Variants in INSM2 observed in about 807,000 individuals in gnomAD.
INSM2 encodes the protein INSM transcriptional repressor 2.
Under a neutral mutation model 30.5 loss-of-function variants are expected in INSM2, and 12 were observed. The ratio of observed to expected loss-of-function variants is 0.39; its 90% CI spans 0.25 to 0.64. The LOEUF (loss-of-function observed/expected upper bound fraction) is 0.64. Among genes scored for constraint, INSM2 ranks in the 30% least tolerant of loss-of-function variants. The pLI, the probability that INSM2 is intolerant of heterozygous loss-of-function variation, is 0.47. For synonymous variants in INSM2, 418 were observed against 383.7 expected (o/e 1.09, Z -1.05); for missense variants, 773 against 819.2 (o/e 0.94, Z 0.69).
Position 35,534,872 on chromosome 14 carries a change from G to T in INSM2, c.620G>T (p.Cys207Phe). ...CGCCGCGGCAAGGCACCCACGGACT[G>T]CGCGTCTGGACCCGCGGCCGCGGGA... ...GERRGKAPTD[C>F]ASGPAAAGIK... Residue 207 changes from cysteine to phenylalanine, a missense_variant, in exon 1 of 1, where the codon TGC (cysteine) becomes TTC (phenylalanine). By Grantham distance (205) the Cys-to-Phe change is radical. Transcript: ENST00000307169. 6.3e-7 allele frequency: 1 copy of T among 1,580,612 alleles called. No homozygotes were observed. The highest frequency in any genetic ancestry group is 8.6e-7 in the Non-Finnish European group (1 of 1,168,214).
rs1158922239 is a variant in INSM2 at position 35,535,527 on chromosome 14, T to A, written c.1275T>A (p.Ile425=). 1 of 1,613,238 alleles carries A rather than the reference T, an allele frequency of 6.2e-7. No homozygotes were observed. Among genetic ancestry groups the A allele is most frequent in the Non-Finnish European group, 8.5e-7 (1 of 1,179,954 alleles). ...CCAGTGGTGGCAGGGGATCCGAGAT[T>A]TTCGTGTGCCCATATTGCCACAAAA... ...GSTSGGRGSE[I]FVCPYCHKKF... Residue 425 remains isoleucine, a synonymous_variant, in exon 1 of 1, where the codon ATT becomes ATA. Coordinates refer to ENST00000307169, the MANE Select transcript of INSM2 (RefSeq NM_032594.4).
Position 35,534,526 on chromosome 14 carries a change from G to A in INSM2, c.274G>A (p.Ala92Thr), listed in dbSNP as rs1248228841. 1 of 1,400,652 alleles carries A rather than the reference G, an allele frequency of 7.1e-7. No individual in the cohort carries two copies. The highest frequency in any genetic ancestry group is 1.6e-5 in the South Asian group (1 of 63,092). 86.8% of individuals were successfully genotyped at this position (1,400,652 alleles called of 1,614,324 possible). ...CCCGGGGACGGGCGGGCGGGAAGGCGCGGAGTGGCGGGCGGGTGGCAGGGA... is the reference window on the plus strand; with the variant it reads ...CCCGGGGACGGGCGGGCGGGAAGGCACGGAGTGGCGGGCGGGTGGCAGGGA... ...VSPGTGGREG[A>T]EWRAGGREGP... Residue 92 changes from alanine (A) to threonine (T), a missense_variant, in exon 1 of 1, where the codon GCG becomes ACG. Ala to Thr is a moderately conservative substitution (Grantham distance 58). Coordinates refer to ENST00000307169, the MANE Select transcript of INSM2 (RefSeq NM_032594.4).
Position 35,535,468 on chromosome 14 carries a change from G to T in INSM2, c.1216G>T (p.Val406Leu), listed in dbSNP as rs763873112. The T allele has an allele frequency of 5.6e-6, 9 of 1,613,058 alleles. No homozygotes were observed. The Admixed American group carries it at 6.7e-5, about 12-fold the overall frequency. The change falls in exon 1 of 1, where the codon GTG (valine) becomes TTG (leucine). Residue 406 changes from valine (V) to leucine (L), a missense_variant. Physicochemically the swap from Val to Leu is conservative, Grantham distance 32. Coordinates refer to ENST00000307169, the MANE Select transcript of INSM2 (RefSeq NM_032594.4). Reference protein sequence around the residue: ...PLPQGPYTEGVLGRRVPVPGS... With the variant: ...PLPQGPYTEGLLGRRVPVPGS... ...GCCTCAGGGCCCCTACACGGAGGGG[G>T]TGTTGGGGCGCCGGGTACCTGTGCC... is the stretch of plus-strand genomic sequence containing the variant.
rs139448495 is a variant in INSM2 at position 35,535,340 on chromosome 14, C to T, written c.1088C>T (p.Ala363Val). The T allele has an allele frequency of 1.7e-3, 2,813 of 1,610,056 alleles. 5 individuals are homozygous for T. Among genetic ancestry groups the T allele is most frequent in the Non-Finnish European group, 2.3e-3 (2,653 of 1,178,066 alleles). ...GKENSRIERT[A>V]DQHPQARDSS... ...GAGAACAGCCGAATAGAGCGGACTG[C>T]GGATCAGCACCCGCAGGCCAGGGAC... is the stretch of plus-strand genomic sequence containing the variant. The change falls in exon 1 of 1, where the codon GCG (alanine) becomes GTG (valine). Residue 363 changes from alanine (A) to valine (V), a missense_variant. Physicochemically the swap from Ala to Val is moderately conservative, Grantham distance 64 (BLOSUM62 0). Transcript: ENST00000307169.
Position 35,534,416 on chromosome 14 carries a change from C to A in INSM2, c.164C>A (p.Pro55His). 1 of 1,504,684 alleles carries A rather than the reference C, an allele frequency of 6.6e-7. No individual in the cohort carries two copies. Among genetic ancestry groups the A allele is most frequent in the Admixed American group, 2.3e-5 (1 of 42,598 alleles). 93.2% of individuals were successfully genotyped at this position (1,504,684 alleles called of 1,614,324 possible). A position where few individuals can be genotyped will look rare whatever the true frequency, so the allele number is the denominator to read the frequency against. ...CCCGGCGCGGAGCGGGCGACACCCC[C>A]CACCCGAGAGGAACCAGGAAAGGGG... ...SLPGAERATP[P>H]TREEPGKGLT... is the part of the protein sequence containing the mutation. Residue 55 changes from proline to histidine, a missense_variant, in exon 1 of 1, where the codon CCC (proline) becomes CAC (histidine). Coordinates refer to ENST00000307169, the MANE Select transcript of INSM2 (RefSeq NM_032594.4).
Position 35,534,357 on chromosome 14 carries a change from G to T in INSM2, c.105G>T (p.Pro35=). 1 of 1,573,902 alleles carries T rather than the reference G, an allele frequency of 6.4e-7. No individual in the cohort carries two copies. Among genetic ancestry groups the T allele is most frequent in the Non-Finnish European group, 8.6e-7 (1 of 1,162,810 alleles). Residue 35 remains proline (P), a synonymous_variant, in exon 1 of 1, where the codon CCG becomes CCT. Transcript: ENST00000307169. ...VFPLLGPQGA[P]PFLEEAPSAS... ...CTCTGCTGGGGCCCCAGGGGGCGCC[G>T]CCCTTCTTGGAGGAGGCTCCCAGCG...
Position 35,535,852 on chromosome 14 carries a change from T to A in INSM2, c.1600T>A (p.Phe534Ile), listed in dbSNP as rs2053595528. The change falls in exon 1 of 1, where the codon TTT becomes ATT. Residue 534 changes from phenylalanine to isoleucine, a missense_variant. Phe to Ile is a conservative substitution (Grantham distance 21, BLOSUM62 0). Coordinates refer to ENST00000307169, the MANE Select transcript of INSM2 (RefSeq NM_032594.4). The stretch of plus-strand genomic sequence containing the variant: ...CTCGTGCAAGCACTGCCCGTCCACT[T>A]TTTTTAGCTCTCCAGGGCTGACCCG... ...IFSCKHCPSTFFSSPGLTRHI... is the reference protein window; with the variant it reads ...IFSCKHCPSTIFSSPGLTRHI... The A allele has an allele frequency of 1.9e-6, 3 of 1,614,076 alleles. No homozygotes were observed. The East Asian group carries it at 6.7e-5, about 36-fold the overall frequency.
Position 35,535,022 on chromosome 14 carries a change from G to T in INSM2, c.770G>T (p.Arg257Leu). ...GAPSRGLGGS[R>L]TPLGEFICQL... is the part of the protein sequence containing the mutation. ...CCGTCCCGGGGCTTGGGGGGCAGCC[G>T]CACGCCACTGGGGGAGTTCATCTGC... The change falls in exon 1 of 1, where the codon CGC becomes CTC. Residue 257 changes from arginine (R) to leucine (L), a missense_variant. Coordinates refer to ENST00000307169, the MANE Select transcript of INSM2 (RefSeq NM_032594.4). The T allele has an allele frequency of 6.3e-7, 1 of 1,576,928 alleles. No individual in the cohort carries two copies. Among genetic ancestry groups the T allele is most frequent in the Non-Finnish European group, 8.6e-7 (1 of 1,161,846 alleles).
In INSM2 at chr14:35,534,679, G is replaced by A; in HGVS notation, c.427G>A (p.Ala143Thr). Residue 143 changes from alanine to threonine, a missense_variant, in exon 1 of 1, where the codon GCC becomes ACC. Ala to Thr is a moderately conservative substitution (Grantham distance 58). Transcript: ENST00000307169. ...CGCCGAGTCTTTCCCCGGGGGCGCC[G>A]CCGCCGTGGCCGCTTTCTCCTGCTC... is the stretch of plus-strand genomic sequence containing the variant. Reference protein sequence around the residue: ...VSAESFPGGAAAVAAFSCSVA... With the variant: ...VSAESFPGGATAVAAFSCSVA... 7.1e-7 allele frequency: 1 copy of A among 1,400,296 alleles called. No homozygotes were observed. Among genetic ancestry groups the A allele is most frequent in the Non-Finnish European group, 9.2e-7 (1 of 1,087,844 alleles). 86.7% of individuals were successfully genotyped at this position (1,400,296 alleles called of 1,614,324 possible).
Position 35,534,525 on chromosome 14 carries a change from C to A in INSM2, c.273C>A (p.Gly91=), listed in dbSNP as rs921226936. 1.2e-5 allele frequency: 17 copies of A among 1,400,534 alleles called. 2 individuals are homozygous for A. In the South Asian group the frequency reaches 2.7e-4, roughly 22 times the overall value. 86.8% of individuals were successfully genotyped at this position (1,400,534 alleles called of 1,614,324 possible). ...GCCCGGGGACGGGCGGGCGGGAAGG[C>A]GCGGAGTGGCGGGCGGGTGGCAGGG... ...GVSPGTGGRE[G]AEWRAGGREG... Residue 91 remains glycine, a synonymous_variant, in exon 1 of 1, where the codon GGC becomes GGA. Coordinates refer to ENST00000307169, the MANE Select transcript of INSM2 (RefSeq NM_032594.4).
Position 35,535,657 on chromosome 14 carries a change from G to A in INSM2, c.1405G>A (p.Ala469Thr), listed in dbSNP as rs752756480. ...GFGSERGAPL[A>T]FACPLCGAHF... Reference sequence around the variant, plus strand: ...TGGCTCCGAACGCGGTGCCCCACTTGCCTTCGCTTGCCCATTGTGCGGAGC... The same window carrying A: ...TGGCTCCGAACGCGGTGCCCCACTTACCTTCGCTTGCCCATTGTGCGGAGC... The change falls in exon 1 of 1, where the codon GCC (alanine) becomes ACC (threonine). Residue 469 changes from alanine (A) to threonine (T), a missense_variant. Physicochemically the swap from Ala to Thr is moderately conservative, Grantham distance 58. Transcript: ENST00000307169. 6 of 1,613,062 alleles carry A rather than the reference G, an allele frequency of 3.7e-6. No individual in the cohort carries two copies. Among genetic ancestry groups the A allele is most frequent in the East Asian group, 2.2e-5 (1 of 44,898 alleles).
chr14:35,534,669 C>G lies in INSM2; in HGVS notation c.417C>G (p.Pro139=). The G allele has an allele frequency of 7.1e-7, 1 of 1,401,882 alleles. No individual in the cohort carries two copies. The highest frequency in any genetic ancestry group is 9.2e-7 in the Non-Finnish European group (1 of 1,089,138). 86.8% of individuals were successfully genotyped at this position (1,401,882 alleles called of 1,614,324 possible). ...CGCCCGTCTCCGCCGAGTCTTTCCC[C>G]GGGGGCGCCGCCGCCGTGGCCGCTT... The part of the protein sequence containing the change: ...LSSPVSAESF[P]GGAAAVAAFS... The change falls in exon 1 of 1, where the codon CCC becomes CCG. Residue 139 remains proline (P), a synonymous_variant. Transcript: ENST00000307169.
rs1281070538 is a variant in INSM2, at chr14:35,536,611, CT to C, written c.*659del. 1 of 167,066 alleles carries C rather than the reference CT, an allele frequency of 6.0e-6. No homozygotes were observed. The highest frequency in any genetic ancestry group is 2.4e-5 in the African/African-American group (1 of 41,444). The allele number at this position is 167,066 out of a possible 1,614,324, so 10.3% of individuals were successfully genotyped here. On this transcript the variant is annotated 3_prime_UTR_variant, in exon 1 of 1. Transcript: ENST00000307169. ...TGGAGGTGGGGAGGATGCTACTTTACTGGAGTTGAGACACCCCCTAAAATTC... is the reference window on the plus strand; with the variant it reads ...TGGAGGTGGGGAGGATGCTACTTTACGGAGTTGAGACACCCCCTAAAATTC...
chr14:35,535,576 C>T lies in INSM2; in HGVS notation c.1324C>T (p.Arg442Cys). ...AAAGTTTCGTCGCCAAGCCTATCTG[C>T]GCAAGCACCTGAGCACTCACGAGGC... is the stretch of plus-strand genomic sequence containing the variant. ...HKKFRRQAYLRKHLSTHEAGS... is the reference protein window; with the variant it reads ...HKKFRRQAYLCKHLSTHEAGS... Residue 442 changes from arginine (R) to cysteine (C), a missense_variant, in exon 1 of 1, where the codon CGC becomes TGC. Physicochemically the swap from Arg to Cys is radical, Grantham distance 180. Transcript: ENST00000307169. 1 of 1,613,298 alleles carries T rather than the reference C, an allele frequency of 6.2e-7. No homozygotes were observed. The highest frequency in any genetic ancestry group is 2.2e-5 in the East Asian group (1 of 44,886).
Position 35,536,076 on chromosome 14 carries a change from A to T in INSM2, c.*123A>T. 8.1e-7 allele frequency: 1 copy of T among 1,234,004 alleles called. No homozygotes were observed. The highest frequency in any genetic ancestry group is 1.1e-6 in the Non-Finnish European group (1 of 881,644). The allele number at this position is 1,234,004 out of a possible 1,614,324, so 76.4% of individuals were successfully genotyped here. A position where few individuals can be genotyped will look rare whatever the true frequency, so the allele number is the denominator to read the frequency against. On this transcript the variant is annotated 3_prime_UTR_variant, in exon 1 of 1. Coordinates refer to ENST00000307169, the MANE Select transcript of INSM2 (RefSeq NM_032594.4). ...TCCTTCCTATGTTTTAATCCCCTAAAATTCTCCCTGTAGTCAATGTTCCAC... is the reference window on the plus strand; with the variant it reads ...TCCTTCCTATGTTTTAATCCCCTAATATTCTCCCTGTAGTCAATGTTCCAC...
Position 35,534,507 on chromosome 14 carries a change from G to A in INSM2, c.255G>A (p.Gly85=), listed in dbSNP as rs1182397274. The A allele has an allele frequency of 7.1e-7, 1 of 1,416,298 alleles. No individual in the cohort carries two copies. Among genetic ancestry groups the A allele is most frequent in the Non-Finnish European group, 9.2e-7 (1 of 1,091,840 alleles). The allele number at this position is 1,416,298 out of a possible 1,614,324, so 87.7% of individuals were successfully genotyped here. A position where few individuals can be genotyped will look rare whatever the true frequency, so the allele number is the denominator to read the frequency against. ...SPCRAAGVSP[G]TGGREGAEWR... ...GTCGGGCGGCTGGGGTGAGCCCGGG[G>A]ACGGGCGGGCGGGAAGGCGCGGAGT... The change falls in exon 1 of 1, where the codon GGG becomes GGA. Residue 85 remains glycine (G), a synonymous_variant. Coordinates refer to ENST00000307169, the MANE Select transcript of INSM2 (RefSeq NM_032594.4).
Position 35,535,764 on chromosome 14 carries a change from G to T in INSM2, c.1512G>T (p.Ala504=). 6.2e-7 allele frequency: 1 copy of T among 1,613,284 alleles called. No individual in the cohort carries two copies. The highest frequency in any genetic ancestry group is 2.2e-5 in the East Asian group (1 of 44,888). Residue 504 remains alanine, a synonymous_variant, in exon 1 of 1, where the codon GCG becomes GCT. Transcript: ENST00000307169. ...AGGAGCTGCTCCTGCCCGCTCTGGCGGGGGCTCCTCCCGAAACGTCGGGCC... is the reference window on the plus strand; with the variant it reads ...AGGAGCTGCTCCTGCCCGCTCTGGCTGGGGCTCCTCCCGAAACGTCGGGCC... ...VREELLLPAL[A]GAPPETSGPS...
chr14:35,535,615 G>C lies in INSM2; in HGVS notation c.1363G>C (p.Ala455Pro), dbSNP rs1169029183. ...LSTHEAGSAR[A>P]LAPGFGSERG... ...CACTCACGAGGCGGGCTCGGCCCGT[G>C]CGCTAGCGCCGGGCTTTGGCTCCGA... The change falls in exon 1 of 1, where the codon GCG becomes CCG. Residue 455 changes from alanine to proline, a missense_variant. Transcript: ENST00000307169. 6.2e-7 allele frequency: 1 copy of C among 1,612,996 alleles called. No individual in the cohort carries two copies. Among genetic ancestry groups the C allele is most frequent in the Non-Finnish European group, 8.5e-7 (1 of 1,179,994 alleles).
Position 35,535,782 on chromosome 14 carries a change from G to A in INSM2, c.1530G>A (p.Thr510=), listed in dbSNP as rs764266222. ...CTCTGGCGGGGGCTCCTCCCGAAACGTCGGGCCCTAGCGGGCCATCTGACG... is the reference window on the plus strand; with the variant it reads ...CTCTGGCGGGGGCTCCTCCCGAAACATCGGGCCCTAGCGGGCCATCTGACG... ...LPALAGAPPE[T]SGPSGPSDGS... is the part of the protein sequence containing the mutation. The change falls in exon 1 of 1, where the codon ACG becomes ACA. Residue 510 remains threonine, a synonymous_variant. Coordinates refer to ENST00000307169, the MANE Select transcript of INSM2 (RefSeq NM_032594.4). 2 of 1,613,338 alleles carry A rather than the reference G, an allele frequency of 1.2e-6. No homozygotes were observed. Among genetic ancestry groups the A allele is most frequent in the South Asian group, 1.1e-5 (1 of 91,074 alleles).
Sources: allele counts gnomAD v4.1 joint callset, GRCh38; gene constraint gnomAD v4.1.1; transcripts MANE v1.5; gene names NCBI Gene and HGNC (gene_info 2026-07-23, HGNC 2026-07-21).